CCDC170: variants seen among roughly 807,000 people sequenced by gnomAD.
CCDC170 encodes coiled-coil domain containing 170, also known as coiled-coil domain-containing protein 170.
A neutral mutation model predicts 72.6 loss-of-function variants in CCDC170; 69 were observed. That is an observed-to-expected ratio of 0.95 (90% confidence interval 0.78 to 1.16). CCDC170 has a LOEUF of 1.16. Among genes scored for constraint, CCDC170 ranks in the 50% most tolerant of loss-of-function variants. CCDC170 has a pLI of 0.00. For missense variants in CCDC170, 852 were observed against 832.5 expected, an observed-to-expected ratio of 1.02 and a Z score of -0.29; for synonymous variants, 300 against 303.9, an observed-to-expected ratio of 0.99 and a Z score of 0.13.
intron 9 of CCDC170, among the ~76,000 whole-genome samples, chr6:151,613,296 G>A (rs1168115438): frequency 1.3e-5 from 2 of 152,096 alleles, no homozygotes; most frequent in African/African-American, 4.8e-5. Flanking sequence ...CCAGCTACTG[G>A]GGAAGCTGAG....
chr6:151,617,602 C>T (rs545853342), intron 10 of CCDC170, among the ~76,000 whole-genome samples: 14 of 152,058 alleles, frequency 9.2e-5, no homozygotes, highest in Non-Finnish European at 7.4e-5. Context: ...GGCAGCCCTT[C>T]GACGTAGGTG....
chr6:151,518,633 G>T (rs532444400), intron 1 of CCDC170, among the ~76,000 whole-genome samples: 1 of 135,274 alleles, frequency 7.4e-6, no homozygotes, highest in Admixed American at 7.8e-5. Context: ...TAAACAAGGG[G>T]TATATGTATC....
At chr6:151,509,461 C>A (rs1782116757) in intron 1 of CCDC170, among the ~76,000 whole-genome samples, 1 of 152,044 alleles carries the variant, frequency 6.6e-6, no homozygotes, top group South Asian at 2.1e-4. Flanking sequence ...TAAAATAGGA[C>A]CTGAAGTTAA....
chr6:151,577,273 C>A (rs911040692), intron 6 of CCDC170, among the ~76,000 whole-genome samples: 1 of 152,118 alleles, frequency 6.6e-6, no homozygotes, highest in Non-Finnish European at 1.5e-5. Context: ...GTGACAACCA[C>A]AGATGTCTTT....
At chr6:151,596,244 T>C (rs1446094224) in intron 8 of CCDC170, 91 bp from the exon 9 acceptor site, 1 of 1,368,438 alleles carries the variant, frequency 7.3e-7, no homozygotes, top group Non-Finnish European at 9.8e-7. Context: ...CTTATTGAGG[T>C]GTAGATAGAG....
chr6:151,596,355 A>G lies in CCDC170; in HGVS notation c.1488A>G (p.Arg496=), dbSNP rs377250518. Residue 496 remains arginine, a synonymous_variant, in exon 9 of 11, where the codon AGA becomes AGG. Transcript: ENST00000239374. ...ACCAGCTAAAGACACAGAAAGAGAG[A>G]CTGGAGAGCAAAGAATTACACATGA... The part of the protein sequence containing the change: ...LQRKLKTQKE[R]LESKELHMSL... The G allele has an allele frequency of 8.7e-6, 14 of 1,613,420 alleles. No homozygotes were observed. Among genetic ancestry groups the G allele is most frequent in the Non-Finnish European group, 1.2e-5 (14 of 1,179,816 alleles).
chr6:151,603,662 C>T (rs1776743362), intron 9 of CCDC170, among the ~76,000 whole-genome samples: 1 of 152,142 alleles, frequency 6.6e-6, no homozygotes, highest in Admixed American at 6.5e-5. Flanking sequence ...GGCATTTATT[C>T]CCTTCTCACT....
At chr6:151,569,101 G>A (rs889482765) in intron 5 of CCDC170, among the ~76,000 whole-genome samples, 1 of 152,152 alleles carries the variant, frequency 6.6e-6, no homozygotes, top group Non-Finnish European at 1.5e-5. Context: ...AATCATAACT[G>A]CAGTAGGTAG....
chr6:151,552,779 C>CTTTTT (rs71014597), intron 5 of CCDC170, among the ~76,000 whole-genome samples: 2 of 56,706 alleles, frequency 3.5e-5, no homozygotes, highest in African/African-American at 6.7e-5. Flanking sequence ...TCAGCCAATT[C>CTTTTT]TTTTTTTTTT....
At chr6:151,500,504 TA>T (rs141948307) in intron 1 of CCDC170, among the ~76,000 whole-genome samples, 5 of 151,838 alleles carry the variant, frequency 3.3e-5, no homozygotes, top group African/African-American at 9.7e-5. Context: ...CATATTGCAT[TA>T]AAAAAATCTA....
chr6:151,593,783 A>T (rs55956923), intron 8 of CCDC170, among the ~76,000 whole-genome samples: 2 of 152,106 alleles, frequency 1.3e-5, no homozygotes, highest in African/African-American at 4.8e-5. Flanking sequence ...AGGCATCTTT[A>T]AAAAAGGCAC....
At chr6:151,562,545 G>A (rs1776056785) in intron 5 of CCDC170, among the ~76,000 whole-genome samples, 2 of 152,094 alleles carry the variant, frequency 1.3e-5, no homozygotes, top group Admixed American at 6.6e-5. Flanking sequence ...GCTTGTTGAA[G>A]CTGTATTTTG....
rs770622783 is a variant in CCDC170, at chr6:151,548,450, AG to A, written c.736del (p.Ala246LeufsTer11). The A allele has an allele frequency of 6.2e-7, 1 of 1,609,492 alleles. No homozygotes were observed. Among genetic ancestry groups the A allele is most frequent in the African/African-American group, 1.3e-5 (1 of 74,658 alleles). On this transcript the variant is annotated frameshift_variant, in exon 5 of 11. Transcript: ENST00000239374. LOFTEE classifies it high-confidence loss of function. Reference protein sequence around the residue: ...ASEVNREQKKAASCTEEKEKL... With the variant: ...ASEVNREQKKXASCTEEKEKL... ...CAGAAGTCAACAGAGAGCAGAAAAA[AG>A]CTGCCTCCTGTACTGAAGAGAAAGA...
intron 9 of CCDC170, among the ~76,000 whole-genome samples, chr6:151,605,719 GTC>G (rs1231709091): frequency 1.3e-5 from 2 of 152,090 alleles, no homozygotes; most frequent in Non-Finnish European, 2.9e-5. Flanking sequence ...GGCTATGGAA[GTC>G]TGATTTTCTT....
Position 151,536,737 on chromosome 6 carries a change from T to C in CCDC170, c.186+291T>C, listed in dbSNP as rs1018486986. ...TTGCAGTGAGGCGAGATCACAGTACTGCACTCCAGCCTGGTGACAGAGTGA... is the reference window on the plus strand; with the variant it reads ...TTGCAGTGAGGCGAGATCACAGTACCGCACTCCAGCCTGGTGACAGAGTGA... On this transcript the variant is annotated intron_variant, in intron 2 of 10. Transcript: ENST00000239374. Among the ~76,000 whole-genome samples the C allele has an allele frequency of 3.3e-5, 4 of 122,546 alleles. No homozygotes were observed. The Admixed American group carries it at 4.6e-4, about 14-fold the overall frequency. 80.4% of individuals were successfully genotyped at this position (122,546 alleles called of 152,430 possible). A position where few individuals can be genotyped will look rare whatever the true frequency, so the allele number is the denominator to read the frequency against.
rs140611373 is a variant in CCDC170 at position 151,580,454 on chromosome 6, G to A, written c.1093-5435G>A. On this transcript the variant is annotated intron_variant, in intron 6 of 10. Coordinates refer to ENST00000239374, the MANE Select transcript of CCDC170 (RefSeq NM_025059.4). ...CCAAGATAAACACTGTTTCTCTTGC[G>A]TTAAGATCAGATTTATCTGCTATAT... Among the ~76,000 whole-genome samples the A allele has an allele frequency of 2.1e-4, 32 of 151,946 alleles. No homozygotes were observed. The East Asian group carries it at 3.9e-3, about 18-fold the overall frequency.
intron 1 of CCDC170, among the ~76,000 whole-genome samples, chr6:151,525,053 C>T (rs998816178): frequency 4.0e-5 from 6 of 151,504 alleles, no homozygotes; most frequent in Non-Finnish European, 5.9e-5. Context: ...CTGCTTCAGC[C>T]TCCCTAGTGG....
intron 9 of CCDC170, among the ~76,000 whole-genome samples, chr6:151,608,478 G>A (rs1422221668): frequency 6.6e-6 from 1 of 151,318 alleles, no homozygotes; most frequent in African/African-American, 2.4e-5. Flanking sequence ...ACTTTTTCCT[G>A]TAGATATGGC....
At chr6:151,581,881 G>A (rs1307033622) in intron 6 of CCDC170, among the ~76,000 whole-genome samples, 2 of 152,302 alleles carry the variant, frequency 1.3e-5, no homozygotes, top group Admixed American at 1.3e-4. Context: ...ATTTTGAAAG[G>A]AATCTTTTAC....
Sources: gnomAD v4.1 joint callset for allele counts (sites outside exome capture counted in the v4.1 genomes callset) on GRCh38, gnomAD v4.1.1 for gene constraint, MANE v1.5 for transcripts, NCBI Gene and HGNC (gene_info 2026-07-23, HGNC 2026-07-21) for gene names.